The following AXDND1 variants were observed in gnomAD, a reference collection of about 807,000 sequenced individuals.
AXDND1 encodes the protein axonemal dynein light chain domain containing 1.
AXDND1 carries 110 observed loss-of-function variants against 137.5 expected under a neutral mutation model. That is an observed-to-expected ratio of 0.80 (90% CI 0.69 to 0.94). AXDND1 has a LOEUF of 0.94. AXDND1 is among the 40% of genes least tolerant of loss of function. The pLI, the probability that AXDND1 is intolerant of heterozygous loss-of-function variation, is 0.00. For synonymous variants in AXDND1, 414 were observed against 399.7 expected (o/e 1.04, Z -0.43); for missense variants, 1,191 against 1,169.8 (o/e 1.02, Z -0.26).
chr1:179,475,491 A>G (rs4631646), intron 17 of AXDND1, among the ~76,000 whole-genome samples: 69,445 of 152,090 alleles, frequency 0.46, 16,740 homozygotes, highest in East Asian at 0.76. Context: ...AAGCTTTAAG[A>G]TTTAATGACT....
intron 4 of AXDND1, among the ~76,000 whole-genome samples, chr1:179,373,859 A>G (rs1668299271): frequency 6.6e-6 from 1 of 152,240 alleles, no homozygotes; most frequent in Non-Finnish European, 1.5e-5. Flanking sequence ...TGTTAGACCT[A>G]AAACCATAAA....
intron 14 of AXDND1, 63 bp downstream of exon 14, chr1:179,430,669 C>A: frequency 1.3e-6 from 2 of 1,509,830 alleles, no homozygotes; most frequent in Non-Finnish European, 1.8e-6. Context: ...GTCAAATTCT[C>A]TGTGTTCCTC....
intron 1 of AXDND1, 152 bp downstream of exon 1, chr1:179,366,152 C>T (rs935752961): frequency 3.0e-5 from 5 of 166,202 alleles, no homozygotes; most frequent in Non-Finnish European, 6.6e-5. Flanking sequence ...GAGCCGCCTG[C>T]AGCGAGTGTC....
chr1:179,434,839 C>G (rs575429010), intron 15 of AXDND1, among the ~76,000 whole-genome samples: 9 of 152,172 alleles, frequency 5.9e-5, no homozygotes, highest in African/African-American at 2.2e-4. Flanking sequence ...AAGTTCTGGC[C>G]AGGACAATCA....
chr1:179,480,641 G>C (rs139432639), intron 17 of AXDND1, among the ~76,000 whole-genome samples: 8 of 152,240 alleles, frequency 5.3e-5, no homozygotes, highest in Non-Finnish European at 7.4e-5. Flanking sequence ...ATCATGCCTT[G>C]TAAGGTTTCT....
intron 18 of AXDND1, 60 bp from the exon 19 acceptor site, chr1:179,491,478 G>C: frequency 8.5e-7 from 1 of 1,173,672 alleles, no homozygotes; most frequent in Non-Finnish European, 1.2e-6. Context: ...AATTTGGTGT[G>C]ATTTTTACTG....
intron 15 of AXDND1, among the ~76,000 whole-genome samples, chr1:179,440,410 A>T (rs888330839): frequency 6.6e-6 from 1 of 152,240 alleles, no homozygotes; most frequent in Non-Finnish European, 1.5e-5. Context: ...TCACATGAAC[A>T]TAGCTGAGCT....
At chr1:179,369,708 AT>A (rs1468643489) in intron 3 of AXDND1, among the ~76,000 whole-genome samples, 1 of 152,138 alleles carries the variant, frequency 6.6e-6, no homozygotes, top group African/African-American at 2.4e-5. Context: ...TTTTGTATAA[AT>A]TGTTTCCAAG....
At chr1:179,409,008 A>G (rs531445552) in intron 11 of AXDND1, among the ~76,000 whole-genome samples, 31 of 96,150 alleles carry the variant, frequency 3.2e-4, no homozygotes, top group African/African-American at 1.4e-3. Context: ...TGACATTGGT[A>G]TTTTGATAGG....
At chr1:179,368,586 C>G (rs1667705726) in intron 2 of AXDND1, among the ~76,000 whole-genome samples, 2 of 152,096 alleles carry the variant, frequency 1.3e-5, no homozygotes, top group South Asian at 4.1e-4. Flanking sequence ...GAAACTGTGT[C>G]TGATGTAATG....
intron 21 of AXDND1, among the ~76,000 whole-genome samples, chr1:179,515,205 T>A (rs1669420290): frequency 6.6e-6 from 1 of 152,176 alleles, no homozygotes; most frequent in South Asian, 2.1e-4. Context: ...TTAAAGAGCT[T>A]CTGTTTTGAT....
intron 21 of AXDND1, among the ~76,000 whole-genome samples, chr1:179,519,862 T>C (rs1669891567): frequency 6.6e-6 from 1 of 152,198 alleles, no homozygotes; most frequent in Non-Finnish European, 1.5e-5. Flanking sequence ...ATTGCCTCAC[T>C]GTTCAGGCTT....
At chr1:179,452,115 C>A (rs576634325) in intron 16 of AXDND1, 1 of 153,152 alleles carries the variant, frequency 6.5e-6, no homozygotes, top group African/African-American at 2.4e-5. Context: ...ACAATGAAAT[C>A]CAGGCTAAGG....
intron 11 of AXDND1, among the ~76,000 whole-genome samples, chr1:179,408,072 TATTAC>T (rs1653256895): frequency 6.6e-6 from 1 of 152,194 alleles, no homozygotes; most frequent in South Asian, 2.1e-4. Context: ...ATGTATTTTT[TATTAC>T]ATTTATTGAA....
chr1:179,515,057 CA>C (rs1669403759), intron 21 of AXDND1, among the ~76,000 whole-genome samples: 1 of 152,174 alleles, frequency 6.6e-6, no homozygotes, highest in Non-Finnish European at 1.5e-5. Flanking sequence ...CATTTACATT[CA>C]ATGTTACTAT....
intron 16 of AXDND1, among the ~76,000 whole-genome samples, chr1:179,464,160 C>A (rs12139256): frequency 0.23 from 35,077 of 151,996 alleles, 4,367 homozygotes; most frequent in East Asian, 0.35. Context: ...TGTCATTATG[C>A]TGTTAGCTGG....
chr1:179,371,133 C>T (rs1667997091), intron 4 of AXDND1, among the ~76,000 whole-genome samples: 1 of 152,056 alleles, frequency 6.6e-6, no homozygotes, highest in Non-Finnish European at 1.5e-5. Flanking sequence ...GCTGACATTA[C>T]AGTTTTAATG....
intron 23 of AXDND1, among the ~76,000 whole-genome samples, chr1:179,532,620 G>A (rs1403139329): frequency 1.3e-5 from 2 of 152,162 alleles, no homozygotes; most frequent in African/African-American, 4.8e-5. Context: ...GTGGTGGCCA[G>A]TGCCTATAAT....
chr1:179,508,335 CAAAAA>C (rs11298194), intron 20 of AXDND1, among the ~76,000 whole-genome samples: 1 of 139,868 alleles, frequency 7.1e-6, no homozygotes. Flanking sequence ...GACCCTGTCT[CAAAAA>C]AAAAAAAAAG....
Sources: gnomAD v4.1 joint callset for allele counts (sites outside exome capture counted in the v4.1 genomes callset) on GRCh38, gnomAD v4.1.1 for gene constraint, MANE v1.5 for transcripts, NCBI Gene and HGNC (gene_info 2026-07-23, HGNC 2026-07-21) for gene names.